The following FBN1 variants were observed in gnomAD, a reference collection of about 807,000 sequenced individuals.
FBN1 encodes fibrillin 1, also known as fibrillin-1.
Under a neutral mutation model 365.1 loss-of-function variants are expected in FBN1, and 29 were observed. The ratio of observed to expected loss-of-function variants is 0.08; its 90% confidence interval spans 0.06 to 0.11. FBN1 has a LOEUF of 0.11. Ranked by LOEUF, FBN1 falls within the 10% of genes least tolerant of loss-of-function variation. The pLI is 1.00. For missense variants in FBN1, 2,476 were observed against 3,703.2 expected, an observed-to-expected ratio of 0.67 and a Z score of 8.60; for synonymous variants, 1,210 against 1,270.5, an observed-to-expected ratio of 0.95 and a Z score of 1.01.
chr15:48,520,735 C>T lies in FBN1; in HGVS notation c.1071G>A (p.Gln357=), dbSNP rs1464363760. Residue 357 remains glutamine, a synonymous_variant, in exon 10 of 66, where the codon CAG becomes CAA. Coordinates refer to ENST00000316623, the MANE Select transcript of FBN1 (RefSeq NM_000138.5). The part of the protein sequence containing the change: ...NQLPQSITKM[Q]CCCDAGRCWS... ...AGCATCGGCCGGCATCACAGCAGCA[C>T]TGCATTTTGGTTATGGACTGTGGCA... The T allele has an allele frequency of 6.2e-7, 1 of 1,614,178 alleles. No individual in the cohort carries two copies.
At chr15:48,620,630 G>A (rs1307469676) in intron 2 of FBN1, among the ~76,000 whole-genome samples, 1 of 151,954 alleles carries the variant, frequency 6.6e-6, no homozygotes, top group Non-Finnish European at 1.5e-5. Flanking sequence ...TTATGTTATT[G>A]TATAAATCTA....
intron 16 of FBN1, 48 bp from the exon 17 acceptor site, chr15:48,503,987 G>A (rs746115648): frequency 1.2e-5 from 20 of 1,610,444 alleles, no homozygotes; most frequent in African/African-American, 4.0e-5. Context: ...TCAAACAGAT[G>A]AGAACCCCCC....
rs1566944929 is a variant in FBN1, at chr15:48,644,838, C to T, written c.-69G>A. 1.4e-6 allele frequency: 2 copies of T among 1,426,318 alleles called. No individual in the cohort carries two copies. The highest frequency in any genetic ancestry group is 5.8e-5 in the East Asian group (2 of 34,584). The allele number at this position is 1,426,318 out of a possible 1,614,324, so 88.4% of individuals were successfully genotyped here. On this transcript the variant is annotated 5_prime_UTR_variant, in exon 2 of 66. Transcript: ENST00000316623. ...GGGGCTCGGTCTGCGGCCGCCGCTG[C>T]GCCCTGAAGCGCACCGCGCCGCCGG...
At chr15:48,535,964 A>T (rs12906911) in intron 7 of FBN1, among the ~76,000 whole-genome samples, 4 of 152,080 alleles carry the variant, frequency 2.6e-5, no homozygotes, top group South Asian at 2.1e-4. Flanking sequence ...AATATAGACA[A>T]GGCAATTCTC....
intron 6 of FBN1, among the ~76,000 whole-genome samples, chr15:48,564,012 C>G (rs973509347): frequency 6.6e-6 from 1 of 152,174 alleles, no homozygotes; most frequent in Admixed American, 6.5e-5. Context: ...GCAGGTATCA[C>G]GCATGCTCTG....
Position 48,468,094 on chromosome 15 carries a change from A to G in FBN1, c.4591T>C (p.Ser1531Pro). 1 of 1,614,106 alleles carries G rather than the reference A, an allele frequency of 6.2e-7. No individual in the cohort carries two copies. Among genetic ancestry groups the G allele is most frequent in the Non-Finnish European group, 8.5e-7 (1 of 1,180,006 alleles). ...PTRVGCVDTR[S>P]GNCYLDIRPR... ...CGAATATCCAAATAGCAATTTCCAGAGCGGGTATCTATTTACCATATACAA... is the reference window on the plus strand; with the variant it reads ...CGAATATCCAAATAGCAATTTCCAGGGCGGGTATCTATTTACCATATACAA... The change falls in exon 38 of 66, where the codon TCT becomes CCT. Residue 1531 changes from serine (S) to proline (P), a missense_variant. Coordinates refer to ENST00000316623, the MANE Select transcript of FBN1 (RefSeq NM_000138.5).
At chr15:48,435,114 T>G (rs1025484622) in intron 53 of FBN1, among the ~76,000 whole-genome samples, 1 of 152,196 alleles carries the variant, frequency 6.6e-6, no homozygotes, top group Non-Finnish European at 1.5e-5. Flanking sequence ...TAATGTTTAA[T>G]TCTCATTCTG....
chr15:48,500,628 A>G (rs1440260938), intron 17 of FBN1, among the ~76,000 whole-genome samples: 1 of 152,216 alleles, frequency 6.6e-6, no homozygotes, highest in African/African-American at 2.4e-5. Flanking sequence ...GGTGTTGATG[A>G]GCTAACTCCG....
intron 60 of FBN1, among the ~76,000 whole-genome samples, chr15:48,422,943 C>CAAAAAA: frequency 6.6e-6 from 1 of 151,272 alleles, no homozygotes; most frequent in Middle Eastern, 3.4e-3. Flanking sequence ...AAAACAAAAA[C>CAAAAAA]AAAAACAAAA....
At chr15:48,607,105 G>C (rs2044619152) in intron 4 of FBN1, among the ~76,000 whole-genome samples, 1 of 152,066 alleles carries the variant, frequency 6.6e-6, no homozygotes, top group South Asian at 2.1e-4. Flanking sequence ...GTGGTATACT[G>C]TTATAGCAGC....
Position 48,520,598 on chromosome 15 carries a change from T to C in FBN1, c.1147+61A>G. ...TCCATTACATCTGCATCATGCACAT[T>C]GCCACTGGGCTTGTGAGGGCTGGGA... On this transcript the variant is annotated intron_variant, in intron 10 of 65. Coordinates refer to ENST00000316623, the MANE Select transcript of FBN1 (RefSeq NM_000138.5). 2.5e-6 allele frequency: 4 copies of C among 1,596,010 alleles called. No homozygotes were observed. The South Asian group carries it at 4.4e-5, about 18-fold the overall frequency.
intron 30 of FBN1, 25 bp from the exon 31 acceptor site, chr15:48,483,968 A>G (rs200611915): frequency 6.2e-7 from 1 of 1,608,012 alleles, no homozygotes; most frequent in East Asian, 2.2e-5. Context: ...ACCAACAACC[A>G]CAGGTTGTTG....
intron 42 of FBN1, among the ~76,000 whole-genome samples, 180 bp from the exon 43 acceptor site, chr15:48,460,497 T>C (rs759577305): frequency 1.1e-4 from 16 of 152,172 alleles, no homozygotes; most frequent in Non-Finnish European, 2.2e-4. Flanking sequence ...AAGACAAATA[T>C]TGAAGAAAAA....
chr15:48,524,254 G>A (rs1292992283), intron 9 of FBN1, among the ~76,000 whole-genome samples: 1 of 152,202 alleles, frequency 6.6e-6, no homozygotes, highest in Non-Finnish European at 1.5e-5. Context: ...GGGCTGGGAG[G>A]TCTGAGAGTC....
chr15:48,599,056 T>C (rs2044538560), intron 5 of FBN1, among the ~76,000 whole-genome samples: 1 of 152,204 alleles, frequency 6.6e-6, no homozygotes, highest in African/African-American at 2.4e-5. Flanking sequence ...TCCCCAGCCA[T>C]GTGGAACTGT....
chr15:48,508,435 TAAG>T, intron 15 of FBN1, 144 bp downstream of exon 15: 4 of 927,848 alleles, frequency 4.3e-6, no homozygotes, highest in South Asian at 1.4e-5. Flanking sequence ...TGGCTGGATT[TAAG>T]AAGGAGTTTC....
intron 5 of FBN1, among the ~76,000 whole-genome samples, chr15:48,597,837 C>T (rs1050100892): frequency 1.3e-5 from 2 of 152,202 alleles, no homozygotes; most frequent in East Asian, 3.8e-4. Context: ...AGCCAACCCT[C>T]CCAGATTACA....
chr15:48,418,004 G>A (rs988049611), intron 63 of FBN1, among the ~76,000 whole-genome samples: 1 of 152,216 alleles, frequency 6.6e-6, no homozygotes, highest in African/African-American at 2.4e-5. Context: ...CAAGGCGTGG[G>A]TATATGAGGG....
At chr15:48,457,259 G>C (rs749357282) in intron 43 of FBN1, among the ~76,000 whole-genome samples, 5 of 152,146 alleles carry the variant, frequency 3.3e-5, no homozygotes, top group African/African-American at 4.8e-5. Context: ...GTCAGGTGTG[G>C]GGATGTCAGC....
Sources: allele counts gnomAD v4.1 joint callset (sites outside exome capture counted in the v4.1 genomes callset), GRCh38; gene constraint gnomAD v4.1.1; transcripts MANE v1.5; gene names NCBI Gene and HGNC (gene_info 2026-07-23, HGNC 2026-07-21).